HMGCLL1: variants seen among roughly 807,000 people sequenced by gnomAD.
HMGCLL1 encodes 3-hydroxy-3-methylglutaryl-CoA lyase like 1.
In HMGCLL1, 36 loss-of-function variants were observed where a neutral mutation model predicts 39.1. That is an observed-to-expected ratio of 0.92 (90% CI 0.71 to 1.22). The LOEUF (loss-of-function observed/expected upper bound fraction) is 1.22, where lower values mean the gene tolerates loss of function less well. HMGCLL1 is among the 50% of genes most tolerant of loss of function. The probability of loss-of-function intolerance (pLI) is 0.00; values close to 1 mark genes in which losing one functional copy is unlikely to be tolerated. For missense variants in HMGCLL1, 451 were observed against 416.5 expected (o/e 1.08, Z -0.72); for synonymous variants, 149 against 144.0 (o/e 1.03, Z -0.25).
chr6:55,637,750 G>A, the HMGCLL1 span, among the ~76,000 whole-genome samples: 6 of 139,870 alleles, frequency 4.3e-5, no homozygotes, highest in East Asian at 2.0e-4. Flanking sequence ...ATGTGTCTGT[G>A]TGTGTCTGTG....
chr6:55,660,798 T>A, the HMGCLL1 span, among the ~76,000 whole-genome samples: 2 of 151,860 alleles, frequency 1.3e-5, no homozygotes, highest in African/African-American at 2.4e-5. Context: ...AATTGCCACA[T>A]CGCTTTCCAC....
intron 8 of HMGCLL1, among the ~76,000 whole-genome samples, chr6:55,436,870 T>C (rs1407293501): frequency 6.6e-6 from 1 of 152,028 alleles, no homozygotes; most frequent in Non-Finnish European, 1.5e-5. Flanking sequence ...TACAAAGTTG[T>C]TTTCAGGATA....
intron 7 of HMGCLL1, among the ~76,000 whole-genome samples, chr6:55,452,242 T>C (rs777219254): frequency 5.9e-5 from 9 of 152,166 alleles, no homozygotes; most frequent in Non-Finnish European, 1.0e-4. Context: ...TGGAAACTGC[T>C]CAATGACTCT....
intron 1 of HMGCLL1, among the ~76,000 whole-genome samples, chr6:55,567,659 C>G (rs551851022): frequency 6.6e-5 from 10 of 152,186 alleles, no homozygotes; most frequent in African/African-American, 2.4e-4. Context: ...AAATAAACAG[C>G]AGAATGGAGA....
the HMGCLL1 span, among the ~76,000 whole-genome samples, chr6:55,656,885 C>A: frequency 1.6e-4 from 25 of 151,948 alleles, no homozygotes; most frequent in Non-Finnish European, 5.9e-5. Flanking sequence ...TTGCAAAAAT[C>A]TGGGTAAAGA....
At chr6:55,669,317 T>C in the HMGCLL1 span, among the ~76,000 whole-genome samples, 5 of 151,770 alleles carry the variant, frequency 3.3e-5, no homozygotes, top group Admixed American at 1.3e-4. Flanking sequence ...GCAATTAAAC[T>C]GACTTTGGAA....
chr6:55,616,676 A>C, the HMGCLL1 span, among the ~76,000 whole-genome samples: 1 of 152,270 alleles, frequency 6.6e-6, no homozygotes, highest in African/African-American at 2.4e-5. Flanking sequence ...CTAATTATTA[A>C]CTAGAAAATT....
chr6:55,480,172 C>A (rs759450200), intron 7 of HMGCLL1, among the ~76,000 whole-genome samples: 1 of 151,416 alleles, frequency 6.6e-6, no homozygotes, highest in Non-Finnish European at 1.5e-5. Context: ...TTCTGCATAG[C>A]AAACAACAAA....
At chr6:55,512,125 T>C (rs1158710021) in intron 5 of HMGCLL1, 1 of 152,108 alleles carries the variant, frequency 6.6e-6, no homozygotes, top group African/African-American at 2.4e-5. Flanking sequence ...CTATTCCATT[T>C]TACAACAGAA....
At chr6:55,663,759 CT>C in the HMGCLL1 span, among the ~76,000 whole-genome samples, 3 of 151,532 alleles carry the variant, frequency 2.0e-5, no homozygotes, top group Non-Finnish European at 4.4e-5. Flanking sequence ...AGATCTACTA[CT>C]GTCAGTGGAG....
chr6:55,507,267 G>T (rs1212538437), intron 5 of HMGCLL1, among the ~76,000 whole-genome samples: 1 of 151,722 alleles, frequency 6.6e-6, no homozygotes, highest in East Asian at 1.9e-4. Flanking sequence ...AGGATAAAAA[G>T]AGTATACATA....
chr6:55,650,803 C>T, the HMGCLL1 span, among the ~76,000 whole-genome samples: 1 of 152,054 alleles, frequency 6.6e-6, no homozygotes. Flanking sequence ...AGAGGAGCCT[C>T]TCCCTATGGC....
chr6:55,674,418 T>G, the HMGCLL1 span, among the ~76,000 whole-genome samples: 1 of 149,936 alleles, frequency 6.7e-6, no homozygotes, highest in Non-Finnish European at 1.5e-5. Context: ...GAAAAAAAAA[T>G]TTGAAAAATG....
chr6:55,442,146 G>C (rs901155678), intron 7 of HMGCLL1, among the ~76,000 whole-genome samples: 1 of 152,046 alleles, frequency 6.6e-6, no homozygotes, highest in Non-Finnish European at 1.5e-5. Flanking sequence ...GTCTGGCTGA[G>C]GTGGTGTCTG....
chr6:55,524,463 TAAAAAAA>T (rs376524274), intron 3 of HMGCLL1, among the ~76,000 whole-genome samples: 1 of 134,544 alleles, frequency 7.4e-6, no homozygotes, highest in Non-Finnish European at 1.6e-5. Context: ...TTATAGTCTT[TAAAAAAA>T]AAAAAAAAAC....
At chr6:55,540,776 G>A (rs1161523713) in intron 3 of HMGCLL1, among the ~76,000 whole-genome samples, 1 of 152,146 alleles carries the variant, frequency 6.6e-6, no homozygotes, top group African/African-American at 2.4e-5. Context: ...GATTGAGGTG[G>A]AGATGGTACA....
At chr6:55,524,910 T>C (rs1385282077) in intron 3 of HMGCLL1, among the ~76,000 whole-genome samples, 3 of 151,642 alleles carry the variant, frequency 2.0e-5, no homozygotes, top group Non-Finnish European at 2.9e-5. Flanking sequence ...AGGAATAAAC[T>C]GTAACAGCAT....
the HMGCLL1 span, among the ~76,000 whole-genome samples, chr6:55,604,002 A>G: frequency 2.0e-5 from 3 of 152,184 alleles, no homozygotes; most frequent in Non-Finnish European, 4.4e-5. Flanking sequence ...ATCTATTCCC[A>G]TAGAGAAGTA....
rs116171961 is a variant in HMGCLL1, at chr6:55,532,328, T to C, written c.297+9401A>G. On this transcript the variant is annotated intron_variant, in intron 3 of 8. Coordinates refer to ENST00000274901, the MANE Select transcript of HMGCLL1 (RefSeq NM_001042406.2). Reference sequence around the variant, plus strand: ...TTGAAAATATGAGCATATTAAACAATAAAATTGCTGACATTATTGCTTTCA... The same window carrying C: ...TTGAAAATATGAGCATATTAAACAACAAAATTGCTGACATTATTGCTTTCA... Among the ~76,000 whole-genome samples, 1,042 of 152,244 alleles carry C rather than the reference T, an allele frequency of 6.8e-3. 13 individuals are homozygous for C. Among genetic ancestry groups the C allele is most frequent in the African/African-American group, 0.024 (991 of 41,516 alleles).
Sources: gnomAD v4.1 joint callset for allele counts (sites outside exome capture counted in the v4.1 genomes callset) on GRCh38, gnomAD v4.1.1 for gene constraint, MANE v1.5 for transcripts, NCBI Gene and HGNC (gene_info 2026-07-23, HGNC 2026-07-21) for gene names.